The following WASHC3 variants were observed in gnomAD, a reference collection of about 807,000 sequenced individuals.
WASHC3 encodes WASH complex subunit CCDC53.
A neutral mutation model predicts 26.1 loss-of-function variants in WASHC3; 24 were observed. The ratio of observed to expected loss-of-function variants is 0.92; its 90% CI spans 0.66 to 1.29. The LOEUF (loss-of-function observed/expected upper bound fraction) is 1.29, where lower values mean the gene tolerates loss of function less well. Among genes scored for constraint, WASHC3 ranks in the 50% most tolerant of loss-of-function variants. The pLI is 0.00. For missense variants in WASHC3, 214 were observed against 229.6 expected, an observed-to-expected ratio of 0.93 and a Z score of 0.44; for synonymous variants, 77 against 75.7, an observed-to-expected ratio of 1.02 and a Z score of -0.09.
intron 5 of WASHC3, among the ~76,000 whole-genome samples, chr12:102,026,260 T>A (rs991458014): frequency 1.3e-5 from 2 of 152,146 alleles, no homozygotes; most frequent in African/African-American, 4.8e-5. Flanking sequence ...CCAAATTACA[T>A]CATTTGAGCT....
In WASHC3 at chr12:102,023,483, G is replaced by A. The variant is rs1439909183; in HGVS notation, c.500+2491C>T. Among the ~76,000 whole-genome samples, 6 of 152,248 alleles carry A rather than the reference G, an allele frequency of 3.9e-5. No individual in the cohort carries two copies. In the East Asian group the frequency reaches 9.7e-4, roughly 25 times the overall value. On this transcript the variant is annotated intron_variant, in intron 6 of 6. Transcript: ENST00000240079. ...TGGCTGAGGCTTAAAATGTACCTAA[G>A]ATTCTAAATAAAAGTGTACTCTTCC...
chr12:102,025,652 AC>A (rs1434811482), intron 6 of WASHC3, among the ~76,000 whole-genome samples: 5 of 149,280 alleles, frequency 3.3e-5, no homozygotes, highest in African/African-American at 4.9e-5. Flanking sequence ...AAACAAAAAA[AC>A]AATCAAGCCA....
intron 6 of WASHC3, among the ~76,000 whole-genome samples, chr12:102,014,949 A>G (rs1051274977): frequency 1.3e-5 from 2 of 152,234 alleles, no homozygotes; most frequent in African/African-American, 4.8e-5. Context: ...TTGTATTAGT[A>G]CCTATGACAA....
At chr12:102,034,488 G>C (rs1404774334) in intron 5 of WASHC3, among the ~76,000 whole-genome samples, 1 of 152,132 alleles carries the variant, frequency 6.6e-6, no homozygotes, top group African/African-American at 2.4e-5. Context: ...TAGCTATGCA[G>C]ATACTGCTGA....
chr12:102,056,898 A>G (rs1878614442), intron 2 of WASHC3, among the ~76,000 whole-genome samples: 1 of 152,178 alleles, frequency 6.6e-6, no homozygotes, highest in Non-Finnish European at 1.5e-5. Flanking sequence ...AGGAGGGGAA[A>G]CTTTCGAACT....
At chr12:102,062,052 C>A, upstream of WASHC3, 1 of 1,147,398 alleles carries the variant, frequency 8.7e-7, no homozygotes, top group South Asian at 1.4e-5. Context: ...CAACTTTCCC[C>A]CCAAGTGCCC....
chr12:102,060,804 A>C (rs1336786493), intron 2 of WASHC3, among the ~76,000 whole-genome samples: 1 of 151,856 alleles, frequency 6.6e-6, no homozygotes. Context: ...AAATATAAAA[A>C]ATTAGCCAGG....
In WASHC3 at chr12:102,025,955, T is replaced by A; in HGVS notation, c.500+19A>T. On this transcript the variant is annotated intron_variant, in intron 6 of 6. Transcript: ENST00000240079. Reference sequence around the variant, plus strand: ...CAATGTCCTGGCAATAATATCATTATATTAGAAGAATTACTTACTCAAGAA... The same window carrying A: ...CAATGTCCTGGCAATAATATCATTAAATTAGAAGAATTACTTACTCAAGAA... 8.3e-7 allele frequency: 1 copy of A among 1,205,118 alleles called. No individual in the cohort carries two copies. Among genetic ancestry groups the A allele is most frequent in the Non-Finnish European group, 1.2e-6 (1 of 840,486 alleles). 74.7% of individuals were successfully genotyped at this position (1,205,118 alleles called of 1,614,324 possible).
chr12:102,062,045 C>T (rs1006082214), upstream of WASHC3: 5 of 1,269,140 alleles, frequency 3.9e-6, no homozygotes, highest in Admixed American at 4.2e-5. Flanking sequence ...CACGTCTCAA[C>T]TTTCCCCCCA....
chr12:102,028,016 G>C (rs969245716), intron 5 of WASHC3, among the ~76,000 whole-genome samples: 1 of 151,762 alleles, frequency 6.6e-6, no homozygotes, highest in Admixed American at 6.6e-5. Context: ...TCTGAAAAGT[G>C]CATTATAATA....
At chr12:102,033,335 G>A (rs191553174) in intron 5 of WASHC3, among the ~76,000 whole-genome samples, 1 of 152,196 alleles carries the variant, frequency 6.6e-6, no homozygotes, top group Non-Finnish European at 1.5e-5. Context: ...AAGCTGAAAG[G>A]TCTTGAAAAA....
At chr12:102,018,695 C>G (rs1395004474) in intron 6 of WASHC3, among the ~76,000 whole-genome samples, 2 of 152,236 alleles carry the variant, frequency 1.3e-5, no homozygotes, top group Non-Finnish European at 2.9e-5. Flanking sequence ...GTTTAGAACT[C>G]CTGGCTTCAA....
chr12:102,030,083 G>T lies in WASHC3; in HGVS notation c.436-4045C>A, dbSNP rs1877368451. On this transcript the variant is annotated intron_variant, in intron 5 of 6. Coordinates refer to ENST00000240079, the MANE Select transcript of WASHC3 (RefSeq NM_016053.4). Reference sequence around the variant, plus strand: ...GGCTGAGGTGGGCGGATCACCTGAGGTCGGGAGTTCGAGACCAGCCTGACC... The same window carrying T: ...GGCTGAGGTGGGCGGATCACCTGAGTTCGGGAGTTCGAGACCAGCCTGACC... 2.0e-5 allele frequency among the ~76,000 whole-genome samples: 3 copies of T among 152,074 alleles called. No homozygotes were observed. In the South Asian group the frequency reaches 6.2e-4, roughly 32 times the overall value.
chr12:102,022,801 A>T (rs930901280), intron 6 of WASHC3, among the ~76,000 whole-genome samples: 14 of 152,206 alleles, frequency 9.2e-5, no homozygotes, highest in African/African-American at 3.1e-4. Context: ...TTTTCTAAGC[A>T]AGAAAACCTA....
At chr12:102,054,163 AG>A (rs1878501550) in intron 2 of WASHC3, among the ~76,000 whole-genome samples, 1 of 152,252 alleles carries the variant, frequency 6.6e-6, no homozygotes, top group South Asian at 2.1e-4. Context: ...CAAGAGTGGA[AG>A]AAAGGAACAA....
intron 4 of WASHC3, among the ~76,000 whole-genome samples, chr12:102,041,109 A>C (rs909563856): frequency 2.7e-4 from 41 of 151,674 alleles, no homozygotes; most frequent in African/African-American, 9.4e-4. Context: ...GAGTATATAT[A>C]TATACATATA....
At chr12:102,030,327 T>A (rs1877384263) in intron 5 of WASHC3, among the ~76,000 whole-genome samples, 1 of 151,442 alleles carries the variant, frequency 6.6e-6, no homozygotes, top group Non-Finnish European at 1.5e-5. Context: ...TTGTATTTTA[T>A]GAAATAAATT....
intron 2 of WASHC3, among the ~76,000 whole-genome samples, chr12:102,060,177 GTCCC>G (rs1878745480): frequency 1.3e-5 from 2 of 152,334 alleles, no homozygotes; most frequent in South Asian, 4.1e-4. Context: ...GAATATCTAA[GTCCC>G]ATAATTTACT....
chr12:102,038,535 G>C (rs1298376594), intron 5 of WASHC3, among the ~76,000 whole-genome samples: 1 of 152,052 alleles, frequency 6.6e-6, no homozygotes, highest in African/African-American at 2.4e-5. Context: ...TTTTGTTGTT[G>C]TTGTTGTTGT....
Sources: gnomAD v4.1 joint callset for allele counts (sites outside exome capture counted in the v4.1 genomes callset) on GRCh38, gnomAD v4.1.1 for gene constraint, MANE v1.5 for transcripts, NCBI Gene and HGNC (gene_info 2026-07-23, HGNC 2026-07-21) for gene names.